Variants in VAV2 observed in about 807,000 individuals in gnomAD.
The protein encoded by VAV2 is guanine nucleotide exchange factor VAV2.
VAV2 carries 67 observed loss-of-function variants against 132.5 expected under a neutral mutation model. The observed-to-expected ratio is 0.51, with a 90% CI of 0.42 to 0.62. The LOEUF (loss-of-function observed/expected upper bound fraction) is 0.62. Ranked by LOEUF, VAV2 falls within the 20% of genes least tolerant of loss-of-function variation. The pLI, the probability that VAV2 is intolerant of heterozygous loss-of-function variation, is 0.00. For missense variants in VAV2, 938 were observed against 1,153.6 expected, an observed-to-expected ratio of 0.81 and a Z score of 2.71; for synonymous variants, 492 against 443.5, an observed-to-expected ratio of 1.11 and a Z score of -1.37.
intron 25 of VAV2, 134 bp from the exon 26 acceptor site, chr9:133,772,180 C>A: frequency 1.6e-6 from 1 of 639,336 alleles, no homozygotes. Flanking sequence ...TCCCTGTCAG[C>A]CCTGTCCTAC....
intron 8 of VAV2, 64 bp from the exon 9 acceptor site, chr9:133,806,245 C>A: frequency 6.7e-7 from 1 of 1,485,160 alleles, no homozygotes; most frequent in Non-Finnish European, 9.2e-7. Flanking sequence ...GGAGCGCCGC[C>A]CTTAAAGTGC....
intron 1 of VAV2, among the ~76,000 whole-genome samples, chr9:133,955,548 ACTCCCCACGGT>A (rs1379298096): frequency 2.7e-4 from 4 of 14,804 alleles, no homozygotes; most frequent in African/African-American, 6.3e-4. Flanking sequence ...GCTCCTCCCC[ACTCCCCACGGT>A]CCTCCCCACC....
chr9:133,838,714 G>A (rs1265345444), intron 3 of VAV2, among the ~76,000 whole-genome samples: 8 of 144,722 alleles, frequency 5.5e-5, no homozygotes, highest in African/African-American at 1.8e-4. Flanking sequence ...TGGGTGGATT[G>A]ATGGATGGGT....
chr9:133,962,215 G>A (rs893466004), intron 1 of VAV2, among the ~76,000 whole-genome samples: 7 of 152,150 alleles, frequency 4.6e-5, no homozygotes, highest in African/African-American at 1.7e-4. Context: ...AGGCCACCCA[G>A]GATCAGGGTG....
At chr9:133,807,636 C>T (rs377632304) in intron 7 of VAV2, among the ~76,000 whole-genome samples, 3 of 152,262 alleles carry the variant, frequency 2.0e-5, no homozygotes, top group South Asian at 2.1e-4. Context: ...TTGTGGCTTG[C>T]GGTGAGGGGC....
intron 1 of VAV2, among the ~76,000 whole-genome samples, chr9:133,943,043 G>C (rs1002352483): frequency 2.6e-5 from 4 of 152,282 alleles, no homozygotes; most frequent in African/African-American, 9.6e-5. Context: ...GAGGCACAGA[G>C]AGTTAAGGAC....
chr9:133,967,933 C>CAAAAAAAAAAAAAAAAAAAAAAAAAAAA, intron 1 of VAV2, among the ~76,000 whole-genome samples: 2 of 71,364 alleles, frequency 2.8e-5, no homozygotes, highest in Non-Finnish European at 5.0e-5. Context: ...ACTCTATAAC[C>CAAAAAAAAAAAAAAAAAAAAAAAAAAAA]AAAAAAAAAA....
chr9:133,781,594 T>C (rs552089069), intron 19 of VAV2, among the ~76,000 whole-genome samples: 67 of 152,280 alleles, frequency 4.4e-4, no homozygotes, highest in African/African-American at 1.5e-3. Flanking sequence ...TCGGCCCCCA[T>C]GGGCAGCAAA....
chr9:133,813,839 GC>G (rs1192128232), intron 4 of VAV2, among the ~76,000 whole-genome samples: 20 of 152,368 alleles, frequency 1.3e-4, no homozygotes, highest in African/African-American at 4.6e-4. Flanking sequence ...CCATGGGCAA[GC>G]CCCTCTGTGT....
chr9:133,913,419 CA>C (rs1342295519), intron 2 of VAV2, among the ~76,000 whole-genome samples: 2 of 152,214 alleles, frequency 1.3e-5, no homozygotes, highest in Admixed American at 1.3e-4. Context: ...AAGTCCTTGT[CA>C]GGGGTGGTGC....
intron 2 of VAV2, among the ~76,000 whole-genome samples, chr9:133,922,607 C>G (rs534124127): frequency 6.6e-6 from 1 of 152,310 alleles, no homozygotes; most frequent in East Asian, 1.9e-4. Flanking sequence ...AAAGAATCAT[C>G]GTTCCAACAC....
intron 2 of VAV2, among the ~76,000 whole-genome samples, chr9:133,901,472 G>A (rs1266611352): frequency 6.6e-6 from 1 of 152,250 alleles, no homozygotes; most frequent in Admixed American, 6.5e-5. Context: ...CTGACCAGGG[G>A]AGCCTGTCGG....
intron 2 of VAV2, among the ~76,000 whole-genome samples, chr9:133,917,793 C>T (rs916115987): frequency 3.3e-5 from 5 of 152,168 alleles, no homozygotes; most frequent in Non-Finnish European, 7.3e-5. Flanking sequence ...CGAACAGATC[C>T]CAGAGAGAGA....
At chr9:133,880,714 C>T (rs1838456594) in intron 2 of VAV2, among the ~76,000 whole-genome samples, 1 of 152,218 alleles carries the variant, frequency 6.6e-6, no homozygotes, top group African/African-American at 2.4e-5. Context: ...ACCAAAGCAC[C>T]AACTACTGTG....
At position 133,783,414 on chromosome 9, in the gene VAV2, G is replaced by A. The variant is rs558762741; in HGVS notation, c.1723+89C>T. 23 of 1,339,554 alleles carry A rather than the reference G, an allele frequency of 1.7e-5. No individual in the cohort carries two copies. The African/African-American group carries it at 1.9e-4, about 11-fold the overall frequency. The allele number at this position is 1,339,554 out of a possible 1,614,324, so 83.0% of individuals were successfully genotyped here. ...ATCTGGTCGCTGCCCCGTGGGAGAT[G>A]GTGCCCGAGGCCCGTACCCAGGTGG... is the stretch of plus-strand genomic sequence containing the variant. On this transcript the variant is annotated intron_variant, in intron 19 of 29. Coordinates refer to ENST00000371850, the MANE Select transcript of VAV2 (RefSeq NM_001134398.2).
chr9:133,843,162 G>C (rs893823974), intron 3 of VAV2, among the ~76,000 whole-genome samples: 1 of 152,138 alleles, frequency 6.6e-6, no homozygotes, highest in South Asian at 2.1e-4. Context: ...CACCCGGCTC[G>C]GGGATGGCAG....
In VAV2 at chr9:133,969,343, C is replaced by T. The variant is rs572782250; in HGVS notation, c.204+22732G>A. On this transcript the variant is annotated intron_variant, in intron 1 of 29. Transcript: ENST00000371850. The surrounding 1 kb of genome is among the most constrained non-coding windows in gnomAD (Gnocchi z 5.1). ...TGGAATTCAGTCTGTGCCAATCAGA[C>T]GTCTCTCTCCAGGGATCTGACAGTG... Among the ~76,000 whole-genome samples the T allele has an allele frequency of 2.0e-5, 3 of 152,308 alleles. No homozygotes were observed. The highest frequency in any genetic ancestry group is 2.1e-4 in the South Asian group (1 of 4,824).
chr9:133,812,270 G>A (rs1835388337), intron 4 of VAV2, 54 bp from the exon 5 acceptor site: 15 of 1,570,934 alleles, frequency 9.5e-6, no homozygotes, highest in South Asian at 4.4e-5. Context: ...CACCCTGACC[G>A]GGGAGCCGCA....
chr9:133,891,028 G>C (rs535199796), intron 2 of VAV2, among the ~76,000 whole-genome samples: 6 of 150,746 alleles, frequency 4.0e-5, no homozygotes, highest in Non-Finnish European at 8.8e-5. Flanking sequence ...CTGAAGTGGG[G>C]AAGTTAAATG....
Sources: allele counts gnomAD v4.1 joint callset (sites outside exome capture counted in the v4.1 genomes callset), GRCh38; gene constraint gnomAD v4.1.1; non-coding constraint Gnocchi (gnomAD v3.1); transcripts MANE v1.5; gene names NCBI Gene and HGNC (gene_info 2026-07-23, HGNC 2026-07-21).